HPSE2: variants seen among roughly 807,000 people sequenced by gnomAD.
The protein encoded by HPSE2 is heparanase 2 (inactive), also known as inactive heparanase-2.
A neutral mutation model predicts 60.5 loss-of-function variants in HPSE2; 38 were observed. The ratio of observed to expected loss-of-function variants is 0.63; its 90% CI spans 0.48 to 0.82. The LOEUF (loss-of-function observed/expected upper bound fraction) is 0.82, where lower values mean the gene tolerates loss of function less well. Among genes scored for constraint, HPSE2 ranks in the 40% least tolerant of loss-of-function variants. The pLI is 0.00. For synonymous variants in HPSE2, 295 were observed against 293.2 expected (o/e 1.01, Z -0.06); for missense variants, 713 against 740.4 (o/e 0.96, Z 0.43).
At chr10:99,096,608 T>G (rs1213829009) in intron 3 of HPSE2, among the ~76,000 whole-genome samples, 4 of 152,192 alleles carry the variant, frequency 2.6e-5, no homozygotes, top group Non-Finnish European at 5.9e-5. Flanking sequence ...AACTTTTCCA[T>G]TTAGGGATAA....
At chr10:99,153,529 G>A (rs1846379399) in intron 2 of HPSE2, among the ~76,000 whole-genome samples, 1 of 151,752 alleles carries the variant, frequency 6.6e-6, no homozygotes, top group Non-Finnish European at 1.5e-5. Flanking sequence ...CAACAGACCT[G>A]CAGCTGAGGG....
chr10:99,158,687 G>A (rs1240691089), intron 2 of HPSE2, among the ~76,000 whole-genome samples: 2 of 148,812 alleles, frequency 1.3e-5, no homozygotes, highest in African/African-American at 2.5e-5. Context: ...CATGGCACAT[G>A]TATACATATG....
At chr10:99,235,915 CA>C (rs1849828695), upstream of HPSE2, 1 of 809,136 alleles carries the variant, frequency 1.2e-6, no homozygotes, top group Non-Finnish European at 2.1e-6. Flanking sequence ...CCCTTCCTCC[CA>C]CCACCCCCCC....
intron 3 of HPSE2, among the ~76,000 whole-genome samples, chr10:99,069,398 A>G (rs906680260): frequency 1.3e-5 from 2 of 152,098 alleles, no homozygotes; most frequent in Non-Finnish European, 2.9e-5. Context: ...GAATCAAATC[A>G]TGAGAGCTAG....
At chr10:99,037,225 T>C (rs1447145250) in intron 3 of HPSE2, among the ~76,000 whole-genome samples, 1 of 152,130 alleles carries the variant, frequency 6.6e-6, no homozygotes, top group East Asian at 1.9e-4. Context: ...TAAGGAAATA[T>C]GACAACTAAA....
chr10:99,312,924 T>C, the HPSE2 span, among the ~76,000 whole-genome samples: 1 of 152,308 alleles, frequency 6.6e-6, no homozygotes, highest in South Asian at 2.1e-4. Context: ...TTCTCATGAA[T>C]GGCTCAGCAC....
chr10:98,551,965 G>A (rs1305937937), intron 9 of HPSE2, among the ~76,000 whole-genome samples: 1 of 152,024 alleles, frequency 6.6e-6, no homozygotes, highest in Non-Finnish European at 1.5e-5. Flanking sequence ...CATTTTTTCT[G>A]GTAGGTTTTA....
At chr10:99,235,982 G>T (rs1279049134), upstream of HPSE2, 3 of 439,612 alleles carry the variant, frequency 6.8e-6, no homozygotes, top group East Asian at 3.5e-5. Flanking sequence ...TCGCTCGCTC[G>T]CTCGTTTTGT....
intron 4 of HPSE2, 151 bp from the exon 5 acceptor site, chr10:98,721,979 A>C: frequency 1.4e-6 from 1 of 726,146 alleles, no homozygotes; most frequent in Non-Finnish European, 2.3e-6. Flanking sequence ...TTAAAGAACC[A>C]CCCAAACAAA....
intron 3 of HPSE2, among the ~76,000 whole-genome samples, chr10:99,002,761 T>A (rs1267429343): frequency 6.6e-6 from 1 of 152,098 alleles, no homozygotes; most frequent in Admixed American, 6.6e-5. Context: ...TATTTTATAT[T>A]TTTATTTAAT....
At chr10:98,790,674 G>A (rs933133966) in intron 3 of HPSE2, among the ~76,000 whole-genome samples, 3 of 152,120 alleles carry the variant, frequency 2.0e-5, no homozygotes, top group African/African-American at 7.2e-5. Flanking sequence ...ATGAGGTGAT[G>A]GATATGTTAG....
chr10:98,573,990 A>C (rs1302314708), intron 9 of HPSE2, among the ~76,000 whole-genome samples: 1 of 152,154 alleles, frequency 6.6e-6, no homozygotes, highest in African/African-American at 2.4e-5. Flanking sequence ...AATCAATTTT[A>C]GAATATTTTT....
At chr10:99,310,221 T>A in the HPSE2 span, among the ~76,000 whole-genome samples, 8 of 152,200 alleles carry the variant, frequency 5.3e-5, no homozygotes, top group East Asian at 1.5e-3. Context: ...TTTAATTACA[T>A]CTGCAAAGAT....
chr10:99,268,973 T>C, the HPSE2 span, among the ~76,000 whole-genome samples: 3 of 151,956 alleles, frequency 2.0e-5, no homozygotes, highest in East Asian at 5.8e-4. Context: ...CTGGCCAACA[T>C]GATGAAACCC....
At chr10:99,098,124 T>C (rs1003693497) in intron 3 of HPSE2, among the ~76,000 whole-genome samples, 50 of 152,212 alleles carry the variant, frequency 3.3e-4, no homozygotes, top group African/African-American at 1.2e-3. Context: ...GTCCTACATA[T>C]CTATGGGTTC....
At chr10:98,765,322 C>T (rs1379197499) in intron 3 of HPSE2, among the ~76,000 whole-genome samples, 1 of 152,088 alleles carries the variant, frequency 6.6e-6, no homozygotes, top group South Asian at 2.1e-4. Flanking sequence ...ACCATAATGG[C>T]ATTAACCCAG....
At chr10:98,942,715 G>A (rs1955048747) in intron 3 of HPSE2, among the ~76,000 whole-genome samples, 1 of 152,076 alleles carries the variant, frequency 6.6e-6, no homozygotes. Context: ...ATTTGACCCA[G>A]CCATCTCATT....
At chr10:99,066,034 T>C (rs570767052) in intron 3 of HPSE2, among the ~76,000 whole-genome samples, 66 of 152,312 alleles carry the variant, frequency 4.3e-4, no homozygotes, top group Admixed American at 1.6e-3. Flanking sequence ...GCTGGGAAAA[T>C]TGTTTTCTAA....
intron 9 of HPSE2, among the ~76,000 whole-genome samples, chr10:98,579,914 G>A (rs1196984671): frequency 3.9e-5 from 6 of 152,232 alleles, no homozygotes; most frequent in Admixed American, 3.9e-4. Context: ...CCTTCCTCCT[G>A]GAGTCCTCCA....
Sources: gnomAD v4.1 joint callset for allele counts (sites outside exome capture counted in the v4.1 genomes callset) on GRCh38, gnomAD v4.1.1 for gene constraint, MANE v1.5 for transcripts, NCBI Gene and HGNC (gene_info 2026-07-23, HGNC 2026-07-21) for gene names.